KCNQ5: variants seen among roughly 807,000 people sequenced by gnomAD.
The protein encoded by KCNQ5 is potassium voltage-gated channel subfamily Q member 5.
KCNQ5 carries 30 observed loss-of-function variants against 98.2 expected under a neutral mutation model. That is an observed-to-expected ratio of 0.31 (90% CI 0.23 to 0.41). The LOEUF (loss-of-function observed/expected upper bound fraction) is 0.41. Ranked by LOEUF, KCNQ5 falls within the 10% of genes least tolerant of loss-of-function variation. The pLI is 1.00. For missense variants in KCNQ5, 835 were observed against 1,182.5 expected, an observed-to-expected ratio of 0.71 and a Z score of 4.31; for synonymous variants, 458 against 449.4, an observed-to-expected ratio of 1.02 and a Z score of -0.24.
At chr6:72,718,010 C>A (rs1259268988) in intron 1 of KCNQ5, among the ~76,000 whole-genome samples, 1 of 152,114 alleles carries the variant, frequency 6.6e-6, no homozygotes, top group East Asian at 1.9e-4. Flanking sequence ...CCAGTCATTA[C>A]CTGCATATGT....
chr6:72,949,144 G>C (rs1024973393), intron 1 of KCNQ5, among the ~76,000 whole-genome samples: 3 of 152,112 alleles, frequency 2.0e-5, no homozygotes, highest in African/African-American at 7.2e-5. Flanking sequence ...GATGCTGAAG[G>C]CTGGAAAGTT....
At chr6:72,809,171 T>C (rs1582332276) in intron 1 of KCNQ5, among the ~76,000 whole-genome samples, 2 of 141,960 alleles carry the variant, frequency 1.4e-5, no homozygotes, top group South Asian at 4.5e-4. Flanking sequence ...ATATTCTCAC[T>C]CATAGGTGGG....
At position 73,197,610 on chromosome 6, in the gene KCNQ5, CA is replaced by C. The variant is rs1562231922; in HGVS notation, c.*2197del. Reference sequence around the variant, plus strand: ...ACACACACACACACACACACACACACACACACACACACACACACACACACAC... The same window carrying C: ...ACACACACACACACACACACACACACCACACACACACACACACACACACAC... On this transcript the variant is annotated 3_prime_UTR_variant, in exon 14 of 14. Transcript: ENST00000370398. The C allele has an allele frequency of 2.0e-5, 3 of 150,386 alleles. No individual in the cohort carries two copies. Among genetic ancestry groups the C allele is most frequent in the Middle Eastern group, 3.2e-3 (1 of 312 alleles). 9.3% of individuals were successfully genotyped at this position (150,386 alleles called of 1,614,324 possible).
chr6:72,930,421 A>G (rs1390814350), intron 1 of KCNQ5, among the ~76,000 whole-genome samples: 1 of 152,104 alleles, frequency 6.6e-6, no homozygotes, highest in Non-Finnish European at 1.5e-5. Flanking sequence ...TGTGCATTTT[A>G]GCCAGTCTTG....
chr6:72,907,564 A>G (rs1178053798), intron 1 of KCNQ5, among the ~76,000 whole-genome samples: 4 of 152,130 alleles, frequency 2.6e-5, no homozygotes, highest in Admixed American at 6.5e-5. Flanking sequence ...TTATCTTACT[A>G]TAAGTAAAAG....
chr6:73,082,718 C>G (rs1345613839), intron 5 of KCNQ5, among the ~76,000 whole-genome samples: 1 of 152,060 alleles, frequency 6.6e-6, no homozygotes, highest in African/African-American at 2.4e-5. Flanking sequence ...AGAGTAGAAG[C>G]TCTCAGAACT....
At chr6:73,164,895 C>T (rs982686335) in intron 10 of KCNQ5, among the ~76,000 whole-genome samples, 1 of 152,128 alleles carries the variant, frequency 6.6e-6, no homozygotes, top group African/African-American at 2.4e-5. Context: ...AAGTACCTCT[C>T]ATTCAGTTTC....
intron 1 of KCNQ5, among the ~76,000 whole-genome samples, chr6:72,625,431 T>C (rs2098917583): frequency 6.6e-6 from 1 of 152,220 alleles, no homozygotes; most frequent in Admixed American, 6.5e-5. Flanking sequence ...ATTTTATTAG[T>C]GTGCTATTCA....
At chr6:73,034,846 T>TTC (rs1771320963) in intron 2 of KCNQ5, among the ~76,000 whole-genome samples, 1 of 146,420 alleles carries the variant, frequency 6.8e-6, no homozygotes, top group South Asian at 2.2e-4. Flanking sequence ...TTTCTTTTTT[T>TTC]TTTTTTTTTT....
chr6:72,744,193 C>G (rs1043397975), intron 1 of KCNQ5, among the ~76,000 whole-genome samples: 12 of 152,170 alleles, frequency 7.9e-5, no homozygotes, highest in Admixed American at 6.5e-5. Context: ...GCATTTCTAT[C>G]GTGAGCCTAG....
At chr6:73,125,978 A>T (rs1230973419) in intron 9 of KCNQ5, among the ~76,000 whole-genome samples, 1 of 152,224 alleles carries the variant, frequency 6.6e-6, no homozygotes, top group Non-Finnish European at 1.5e-5. Flanking sequence ...AGACACTGGA[A>T]GAGACAAGCT....
intron 1 of KCNQ5, among the ~76,000 whole-genome samples, chr6:72,977,406 G>A (rs1251718979): frequency 6.6e-6 from 1 of 152,204 alleles, no homozygotes; most frequent in Non-Finnish European, 1.5e-5. Flanking sequence ...GACCTGCCTA[G>A]AAGGTCTATC....
chr6:73,130,386 G>A (rs1776179899), intron 9 of KCNQ5, among the ~76,000 whole-genome samples: 1 of 152,176 alleles, frequency 6.6e-6, no homozygotes, highest in Non-Finnish European at 1.5e-5. Flanking sequence ...CTCTTGCAGG[G>A]TGACAGTGCA....
At chr6:73,060,424 C>G (rs1271714784) in intron 3 of KCNQ5, among the ~76,000 whole-genome samples, 1 of 152,010 alleles carries the variant, frequency 6.6e-6, no homozygotes, top group East Asian at 1.9e-4. Context: ...CCAAATAAAT[C>G]AAAGATTTAA....
intron 7 of KCNQ5, among the ~76,000 whole-genome samples, chr6:73,114,728 T>C (rs1224383177): frequency 6.6e-6 from 1 of 152,100 alleles, no homozygotes; most frequent in Non-Finnish European, 1.5e-5. Flanking sequence ...ATTACCCCTT[T>C]CAAAAAGCAG....
chr6:73,042,135 TTTGATTAATATTAAAAGCTA>T, intron 3 of KCNQ5, 73 bp downstream of exon 3: 1 of 1,561,022 alleles, frequency 6.4e-7, no homozygotes, highest in Non-Finnish European at 8.8e-7. Context: ...TTTTGCAATA[TTTGATTAATATTAAAAGCTA>T]ACATCCATGG....
intron 1 of KCNQ5, among the ~76,000 whole-genome samples, chr6:72,880,305 G>A (rs774102135): frequency 2.0e-5 from 3 of 152,152 alleles, no homozygotes; most frequent in Non-Finnish European, 4.4e-5. Context: ...TCTGGCAAAC[G>A]CCTGCTTTCT....
intron 2 of KCNQ5, among the ~76,000 whole-genome samples, chr6:73,035,858 A>G (rs748490410): frequency 1.3e-5 from 2 of 152,176 alleles, no homozygotes; most frequent in Non-Finnish European, 2.9e-5. Flanking sequence ...TACCCTGTGT[A>G]TACTTTACCC....
intron 2 of KCNQ5, among the ~76,000 whole-genome samples, chr6:73,022,839 G>C (rs181089343): frequency 1.3e-3 from 202 of 152,252 alleles, no homozygotes; most frequent in African/African-American, 4.8e-3. Context: ...GTCTTGGTCA[G>C]TCTGGCTAGA....
Sources: allele counts gnomAD v4.1 joint callset (sites outside exome capture counted in the v4.1 genomes callset), GRCh38; gene constraint gnomAD v4.1.1; transcripts MANE v1.5; gene names NCBI Gene and HGNC (gene_info 2026-07-23, HGNC 2026-07-21).